The following SLC6A2 variants were observed in gnomAD, a reference collection of about 807,000 sequenced individuals.
SLC6A2 encodes the protein sodium-dependent noradrenaline transporter.
Under a neutral mutation model 71.7 loss-of-function variants are expected in SLC6A2, and 26 were observed. That is an observed-to-expected ratio of 0.36 (90% CI 0.27 to 0.50). The LOEUF (loss-of-function observed/expected upper bound fraction) is 0.50. Among genes scored for constraint, SLC6A2 ranks in the 20% least tolerant of loss-of-function variants. SLC6A2 has a pLI of 0.96. For missense variants in SLC6A2, 581 were observed against 803.9 expected, an observed-to-expected ratio of 0.72 and a Z score of 3.35; for synonymous variants, 363 against 337.9, an observed-to-expected ratio of 1.07 and a Z score of -0.82.
chr16:55,700,051 C>A, intron 12 of SLC6A2, 88 bp from the exon 13 acceptor site: 1 of 1,125,466 alleles, frequency 8.9e-7, no homozygotes, highest in East Asian at 2.4e-5. Context: ...CATTTCTCTC[C>A]CACCTTTCTT....
In SLC6A2 at chr16:55,705,982, G is replaced by A. The variant is rs1406964569; in HGVS notation, c.*3636G>A. 6.6e-6 allele frequency: 1 copy of A among 152,346 alleles called. No homozygotes were observed. Among genetic ancestry groups the A allele is most frequent in the East Asian group, 1.9e-4 (1 of 5,182 alleles). The allele number at this position is 152,346 out of a possible 1,614,324, so 9.4% of individuals were successfully genotyped here. A position where few individuals can be genotyped will look rare whatever the true frequency, so the allele number is the denominator to read the frequency against. ...TGGTCTTAGAAGCCACTGAAACATT[G>A]GTGAATGTGAAGTCACTTTTGGGGT... is the stretch of plus-strand genomic sequence containing the variant. On this transcript the variant is annotated 3_prime_UTR_variant, in exon 15 of 15. Coordinates refer to ENST00000568943, the MANE Select transcript of SLC6A2 (RefSeq NM_001172501.3).
Position 55,699,666 on chromosome 16 carries a change from C to T in SLC6A2, c.1590+12C>T. 6.3e-7 allele frequency: 1 copy of T among 1,586,040 alleles called. No homozygotes were observed. The highest frequency in any genetic ancestry group is 1.1e-5 in the South Asian group (1 of 90,490). On this transcript the variant is annotated intron_variant, in intron 12 of 14. Transcript: ENST00000568943. ...CTGCCTTCCTCCTGGTGTGTAGTGT[C>T]TGCAGGGAAGTCCTGCATGTGGGGA... is the stretch of plus-strand genomic sequence containing the variant.
rs150590253 is a variant in SLC6A2 at position 55,691,938 on chromosome 16, G to C, written c.804G>C (p.Thr268=). ...TSGKVVWITA[T]LPYFVLFVLL... ...CCCAGGTGGTGTGGATCACAGCCAC[G>C]CTGCCTTACTTCGTGCTGTTCGTGC... Residue 268 remains threonine (T), a synonymous_variant, in exon 6 of 15, where the codon ACG becomes ACC. Transcript: ENST00000568943. 1.1e-5 allele frequency: 17 copies of C among 1,613,932 alleles called. No homozygotes were observed. In the African/African-American group the frequency reaches 1.9e-4, roughly 18 times the overall value.
intron 5 of SLC6A2, among the ~76,000 whole-genome samples, chr16:55,689,469 G>A (rs880711): frequency 0.19 from 29,213 of 152,198 alleles, 3,445 homozygotes; most frequent in African/African-American, 0.33. Context: ...ACCACCTCCA[G>A]GCCCCATGGG....
At chr16:55,666,145 C>A (rs909796251) in intron 2 of SLC6A2, among the ~76,000 whole-genome samples, 2 of 152,232 alleles carry the variant, frequency 1.3e-5, no homozygotes, top group South Asian at 4.1e-4. Flanking sequence ...AGCACCCATG[C>A]AGCCAGGGCA....
At chr16:55,691,624 C>G (rs1264249264) in intron 5 of SLC6A2, among the ~76,000 whole-genome samples, 2 of 152,130 alleles carry the variant, frequency 1.3e-5, no homozygotes, top group South Asian at 4.1e-4. Flanking sequence ...GCATCTGGTG[C>G]TATGAGGACC....
Position 55,693,998 on chromosome 16 carries a change from T to C in SLC6A2, c.919-12T>C, listed in dbSNP as rs773270216. On this transcript the variant is annotated splice_polypyrimidine_tract_variant and intron_variant, in intron 6 of 14. Coordinates refer to ENST00000568943, the MANE Select transcript of SLC6A2 (RefSeq NM_001172501.3). ...GAAGCAGAGGCTGATGGCTTTTGTC[T>C]GCTGGTTTCAGGTATGGATTGATGC... 5.0e-6 allele frequency: 8 copies of C among 1,586,348 alleles called. No homozygotes were observed. The South Asian group carries it at 7.7e-5, about 15-fold the overall frequency.
chr16:55,699,823 T>A (rs1965914046), intron 12 of SLC6A2, among the ~76,000 whole-genome samples, 169 bp downstream of exon 12: 1 of 151,886 alleles, frequency 6.6e-6, no homozygotes, highest in Non-Finnish European at 1.5e-5. Context: ...GTGGTAGACA[T>A]CCACCTTACT....
At chr16:55,684,018 C>T (rs1965365540) in intron 4 of SLC6A2, among the ~76,000 whole-genome samples, 3 of 152,146 alleles carry the variant, frequency 2.0e-5, no homozygotes, top group Non-Finnish European at 4.4e-5. Flanking sequence ...TCCACTTAGG[C>T]CAGGTGTGGT....
rs1251230283 is a variant in SLC6A2 at position 55,702,755 on chromosome 16, A to AAT, written c.*410_*411insTA. ...TGATCAGATACCCCTCCCAAAAAAA[A>AAT]AAAAAACTAAAACTAAAGCAAAAAT... On this transcript the variant is annotated 3_prime_UTR_variant, in exon 15 of 15. Coordinates refer to ENST00000568943, the MANE Select transcript of SLC6A2 (RefSeq NM_001172501.3). 33 of 1,052,700 alleles carry AAT rather than the reference A, an allele frequency of 3.1e-5. No individual in the cohort carries two copies. In the South Asian group the frequency reaches 8.9e-4, roughly 28 times the overall value. 65.2% of individuals were successfully genotyped at this position (1,052,700 alleles called of 1,614,324 possible). A position where few individuals can be genotyped will look rare whatever the true frequency, so the allele number is the denominator to read the frequency against.
chr16:55,661,101 C>G (rs1596945636), intron 2 of SLC6A2, among the ~76,000 whole-genome samples: 1 of 152,168 alleles, frequency 6.6e-6, no homozygotes, highest in African/African-American at 2.4e-5. Context: ...CAGTATCAGG[C>G]AGTGATTCTA....
At chr16:55,698,059 G>A (rs1327758969) in intron 10 of SLC6A2, 34 bp downstream of exon 10, 3 of 1,609,974 alleles carry the variant, frequency 1.9e-6, no homozygotes, top group Non-Finnish European at 2.6e-6. Flanking sequence ...TCACCTGGGG[G>A]CCTCTGAGGC....
chr16:55,671,706 C>CTGA, intron 3 of SLC6A2: 1 of 787,354 alleles, frequency 1.3e-6, no homozygotes. Flanking sequence ...TAACTAACGC[C>CTGA]TGATGACCTG....
At chr16:55,675,567 A>G (rs1356349083) in intron 4 of SLC6A2, among the ~76,000 whole-genome samples, 1 of 152,212 alleles carries the variant, frequency 6.6e-6, no homozygotes, top group Non-Finnish European at 1.5e-5. Flanking sequence ...GGCCTAGTGC[A>G]AGATTTCCCA....
At chr16:55,690,601 C>G (rs1392944026) in intron 5 of SLC6A2, among the ~76,000 whole-genome samples, 1 of 152,132 alleles carries the variant, frequency 6.6e-6, no homozygotes, top group Admixed American at 6.6e-5. Flanking sequence ...TTGACCTTAG[C>G]CTGATTTTTC....
Position 55,683,611 on chromosome 16 carries a change from CTCAAACAA to C in SLC6A2, c.645-1531_645-1524del, listed in dbSNP as rs1965349633. On this transcript the variant is annotated intron_variant, in intron 4 of 14. Transcript: ENST00000568943. ...CTGGGCAACAGTAGTGAAACTCCGT[CTCAAACAA>C]ACAAACAAACAAACAAACGAAACAA... Among the ~76,000 whole-genome samples, 8 of 122,260 alleles carry C rather than the reference CTCAAACAA, an allele frequency of 6.5e-5. 1 individual carries two copies. In the Admixed American group the frequency reaches 6.8e-4, roughly 10 times the overall value. 80.2% of individuals were successfully genotyped at this position (122,260 alleles called of 152,430 possible).
rs749201304 is a variant in SLC6A2 at position 55,702,364 on chromosome 16, G to A, written c.*18G>A. 1 of 1,614,184 alleles carries A rather than the reference G, an allele frequency of 6.2e-7. No individual in the cohort carries two copies. The highest frequency in any genetic ancestry group is 8.5e-7 in the Non-Finnish European group (1 of 1,180,032). On this transcript the variant is annotated 3_prime_UTR_variant, in exon 15 of 15. Coordinates refer to ENST00000568943, the MANE Select transcript of SLC6A2 (RefSeq NM_001172501.3). ...CCATCTGAGCCTGCCTGGAGGAGAA[G>A]GAGGAACCCCCATGCCAATGTCCAG...
At chr16:55,666,379 C>T (rs1245362825) in intron 2 of SLC6A2, among the ~76,000 whole-genome samples, 1 of 152,206 alleles carries the variant, frequency 6.6e-6, no homozygotes, top group South Asian at 2.1e-4. Flanking sequence ...TGACTTCACT[C>T]ATCCCTGGAG....
chr16:55,687,403 C>A (rs1965486654), intron 5 of SLC6A2, among the ~76,000 whole-genome samples: 1 of 152,202 alleles, frequency 6.6e-6, no homozygotes, highest in African/African-American at 2.4e-5. Context: ...GCTCTTTCAA[C>A]TGAAAGTGTC....
Sources: allele counts gnomAD v4.1 joint callset (sites outside exome capture counted in the v4.1 genomes callset), GRCh38; gene constraint gnomAD v4.1.1; transcripts MANE v1.5; gene names NCBI Gene and HGNC (gene_info 2026-07-23, HGNC 2026-07-21).